SETD2: variants seen among roughly 807,000 people sequenced by gnomAD.
The protein encoded by SETD2 is SET domain containing 2, histone lysine methyltransferase.
In SETD2, 31 loss-of-function variants were observed where a neutral mutation model predicts 242.1. The ratio of observed to expected loss-of-function variants is 0.13; its 90% confidence interval spans 0.10 to 0.17. The LOEUF (loss-of-function observed/expected upper bound fraction) is 0.17, where lower values mean the gene tolerates loss of function less well. Among genes scored for constraint, SETD2 ranks in the 10% least tolerant of loss-of-function variants. SETD2 has a pLI of 1.00. For synonymous variants in SETD2, 1,006 were observed against 1,066.5 expected, an observed-to-expected ratio of 0.94 and a Z score of 1.11; for missense variants, 2,481 against 3,046.3, an observed-to-expected ratio of 0.81 and a Z score of 4.37.
chr3:47,039,508 C>T lies in SETD2; in HGVS notation c.7239-1731G>A, dbSNP rs908052091. Among the ~76,000 whole-genome samples, 7 of 151,902 alleles carry T rather than the reference C, an allele frequency of 4.6e-5. No individual in the cohort carries two copies. The East Asian group carries it at 9.7e-4, about 21-fold the overall frequency. ...GACTACAGGCGTAAGCCACCATGTC[C>T]GGCCCAAACTTTTTTTATTTTTGGA... On this transcript the variant is annotated intron_variant, in intron 17 of 20. Coordinates refer to ENST00000409792, the MANE Select transcript of SETD2 (RefSeq NM_014159.7).
chr3:47,092,198 G>A (rs1425938328), intron 9 of SETD2, among the ~76,000 whole-genome samples: 1 of 152,094 alleles, frequency 6.6e-6, no homozygotes, highest in Non-Finnish European at 1.5e-5. Context: ...ATTCCTCAGC[G>A]GTTATACTGT....
rs531359099 is a variant in SETD2, at chr3:47,092,996, AT to A, written c.5143-4750del. On this transcript the variant is annotated intron_variant, in intron 9 of 20. Transcript: ENST00000409792. ...TCCATATGCAAATTCCTAAATATTA[AT>A]TTTTTTTAAGTGATGGAAGCTAACT... Among the ~76,000 whole-genome samples the A allele has an allele frequency of 1.4e-4, 21 of 151,994 alleles. No homozygotes were observed. The South Asian group carries it at 1.9e-3, about 13-fold the overall frequency.
At chr3:47,136,033 T>C (rs1341443667) in intron 1 of SETD2, among the ~76,000 whole-genome samples, 1 of 152,104 alleles carries the variant, frequency 6.6e-6, no homozygotes, top group Non-Finnish European at 1.5e-5. Context: ...CTCCCACCCA[T>C]CCAACTAATA....
intron 17 of SETD2, among the ~76,000 whole-genome samples, chr3:47,038,483 C>T (rs1034711466): frequency 1.3e-5 from 2 of 152,058 alleles, no homozygotes; most frequent in Non-Finnish European, 2.9e-5. Flanking sequence ...GTCGTGGTGG[C>T]GGGCGCCTGT....
At position 47,017,712 on chromosome 3, in the gene SETD2, T is replaced by C; in HGVS notation, c.7459A>G (p.Asn2487Asp). 1 of 1,613,928 alleles carries C rather than the reference T, an allele frequency of 6.2e-7. No individual in the cohort carries two copies. Among genetic ancestry groups the C allele is most frequent in the Non-Finnish European group, 8.5e-7 (1 of 1,179,818 alleles). ...EMSQFIVQCL[N>D]PYRKPDCKVG... ...TTGCAGTCAGGTTTCCGGTAAGGGTTCAGGCACTGGACGATGAACTGGGAC... is the reference window on the plus strand; with the variant it reads ...TTGCAGTCAGGTTTCCGGTAAGGGTCCAGGCACTGGACGATGAACTGGGAC... Residue 2487 changes from asparagine (N) to aspartate (D), a missense_variant, in exon 20 of 21, where the codon AAC (asparagine) becomes GAC (aspartate). Asn to Asp is a conservative substitution (Grantham distance 23). This residue lies in a region of SETD2 where 40 missense variants were observed against 89.5 expected (regional missense o/e 0.45). Coordinates refer to ENST00000409792, the MANE Select transcript of SETD2 (RefSeq NM_014159.7). The surrounding 1 kb of genome is among the most constrained non-coding windows in gnomAD (Gnocchi z 4.8).
chr3:47,029,886 C>T (rs188480059), intron 18 of SETD2, among the ~76,000 whole-genome samples: 62 of 152,142 alleles, frequency 4.1e-4, no homozygotes, highest in Admixed American at 2.3e-3. Flanking sequence ...CTGGGCACGA[C>T]GACTCACACC....
intron 9 of SETD2, among the ~76,000 whole-genome samples, chr3:47,094,987 GA>G (rs2041951129): frequency 6.6e-6 from 1 of 152,160 alleles, no homozygotes; most frequent in Admixed American, 6.5e-5. Context: ...AATCTTCTCA[GA>G]AAGGTAAAAA....
chr3:47,108,138 T>C (rs1025591622), intron 5 of SETD2, among the ~76,000 whole-genome samples: 1 of 151,878 alleles, frequency 6.6e-6, no homozygotes, highest in Admixed American at 6.6e-5. Flanking sequence ...TTTTAAAAAA[T>C]GTTTTAAAAC....
chr3:47,152,522 A>C (rs9861265), intron 1 of SETD2, among the ~76,000 whole-genome samples: 6,444 of 152,316 alleles, frequency 0.042, 467 homozygotes, highest in African/African-American at 0.15. Context: ...CACAAAACTC[A>C]TAAAAAATTT....
At chr3:47,030,834 CA>C (rs2038731007) in intron 18 of SETD2, among the ~76,000 whole-genome samples, 1 of 151,948 alleles carries the variant, frequency 6.6e-6, no homozygotes, top group African/African-American at 2.4e-5. Context: ...TTATAATTGC[CA>C]AAAGTTGGAA....
At chr3:47,156,204 T>C (rs1030693693) in intron 1 of SETD2, among the ~76,000 whole-genome samples, 1 of 152,142 alleles carries the variant, frequency 6.6e-6, no homozygotes, top group African/African-American at 2.4e-5. Flanking sequence ...CATGGAACAA[T>C]GAATATTAGG....
At chr3:47,052,785 T>C (rs996819617) in intron 15 of SETD2, among the ~76,000 whole-genome samples, 6 of 151,848 alleles carry the variant, frequency 4.0e-5, no homozygotes, top group Non-Finnish European at 5.9e-5. Context: ...CACTGCACTC[T>C]AGCCTGGGTG....
At chr3:47,062,385 T>C (rs771492562) in intron 13 of SETD2, 39 bp from the exon 14 acceptor site, 1 of 998,510 alleles carries the variant, frequency 1.0e-6, no homozygotes, top group South Asian at 1.6e-5. Flanking sequence ...TTTTTTTTTT[T>C]AAGTTTATTT....
intron 1 of SETD2, chr3:47,163,453 C>A (rs1277103164): frequency 2.0e-5 from 3 of 152,382 alleles, no homozygotes; most frequent in Admixed American, 2.0e-4. Context: ...CTTGCCGGGC[C>A]CGGCACCGGC....
chr3:47,121,448 C>A lies in SETD2; in HGVS notation c.3188G>T (p.Arg1063Ile), dbSNP rs2043082539. 5 of 1,612,728 alleles carry A rather than the reference C, an allele frequency of 3.1e-6. No homozygotes were observed. Among genetic ancestry groups the A allele is most frequent in the African/African-American group, 1.3e-5 (1 of 74,914 alleles). Residue 1063 changes from arginine (R) to isoleucine (I), a missense_variant, in exon 3 of 21, where the codon AGA (arginine) becomes ATA (isoleucine). Transcript: ENST00000409792. ...AACCACAACAGACTGGAGACGGTTT[C>A]TTGGAATACTGCTATCATCCGAATC... ...DTDSDDSSIP[R>I]NRLQSVVVVP...
chr3:47,042,810 A>G (rs960672071), intron 16 of SETD2, 110 bp from the exon 17 acceptor site: 2 of 964,910 alleles, frequency 2.1e-6, no homozygotes, highest in Admixed American at 2.5e-5. Flanking sequence ...CCTCCTCTTA[A>G]AAAAAGGATA....
chr3:47,144,002 G>A (rs1030065978), intron 1 of SETD2, among the ~76,000 whole-genome samples: 7 of 152,034 alleles, frequency 4.6e-5, no homozygotes, highest in Non-Finnish European at 1.0e-4. Context: ...GAGCCACTGC[G>A]CCCGGCCACA....
intron 10 of SETD2, among the ~76,000 whole-genome samples, 199 bp downstream of exon 10, chr3:47,087,914 C>T (rs554615785): frequency 1.3e-5 from 2 of 151,940 alleles, no homozygotes; most frequent in East Asian, 1.9e-4. Context: ...TACAGTGAAC[C>T]GAGACTGCAC....
chr3:47,045,747 G>T (rs1419376770), intron 16 of SETD2, among the ~76,000 whole-genome samples: 1 of 149,096 alleles, frequency 6.7e-6, no homozygotes, highest in Non-Finnish European at 1.5e-5. Context: ...ACAAGGTCAG[G>T]GTAAACAACA....
Sources: allele counts gnomAD v4.1 joint callset (sites outside exome capture counted in the v4.1 genomes callset), GRCh38; gene constraint gnomAD v4.1.1; regional missense constraint gnomAD v4.1.1; non-coding constraint Gnocchi (gnomAD v3.1); transcripts MANE v1.5; gene names NCBI Gene and HGNC (gene_info 2026-07-23, HGNC 2026-07-21).